The following FAT2 variants were observed in gnomAD, a reference collection of about 807,000 sequenced individuals.
FAT2 encodes the protein protocadherin Fat 2.
Under a neutral mutation model 295.3 loss-of-function variants are expected in FAT2, and 150 were observed. The observed-to-expected ratio is 0.51, with a 90% confidence interval of 0.44 to 0.58. The LOEUF is 0.58. Among genes scored for constraint, FAT2 ranks in the 20% least tolerant of loss-of-function variants. The probability of loss-of-function intolerance (pLI) is 0.00; values close to 1 mark genes in which losing one functional copy is unlikely to be tolerated. For missense variants in FAT2, 4,868 were observed against 5,442.7 expected, an observed-to-expected ratio of 0.89 and a Z score of 3.32; for synonymous variants, 2,026 against 2,150.3, an observed-to-expected ratio of 0.94 and a Z score of 1.60.
chr5:151,551,919 T>A (rs1434549132), intron 6 of FAT2, among the ~76,000 whole-genome samples: 1 of 152,130 alleles, frequency 6.6e-6, no homozygotes, highest in East Asian at 1.9e-4. Context: ...TGGAAATATG[T>A]TCATGATATA....
intron 17 of FAT2, 127 bp from the exon 18 acceptor site, chr5:151,526,092 C>T: frequency 2.3e-6 from 2 of 888,190 alleles, no homozygotes; most frequent in Non-Finnish European, 1.8e-6. Flanking sequence ...GGTGCCTGGA[C>T]ATCAAGCTGC....
chr5:151,547,343 A>G (rs756979268), intron 9 of FAT2, among the ~76,000 whole-genome samples: 43 of 152,218 alleles, frequency 2.8e-4, no homozygotes, highest in Admixed American at 1.9e-3. Context: ...TCTTCATTCT[A>G]TCAGGGAGCT....
intron 3 of FAT2, among the ~76,000 whole-genome samples, chr5:151,558,361 A>G (rs1757876550): frequency 6.6e-6 from 1 of 152,180 alleles, no homozygotes; most frequent in South Asian, 2.1e-4. Context: ...CACACCTGTA[A>G]TGCCAGCACT....
In FAT2 at chr5:151,566,734, G is replaced by T; in HGVS notation, c.2198C>A (p.Pro733His). The change falls in exon 2 of 24, where the codon CCC becomes CAC. Residue 733 changes from proline to histidine, a missense_variant. Physicochemically the swap from Pro to His is moderately conservative, Grantham distance 77. This residue lies in a region of FAT2 where 3,297 missense variants were observed against 3,669.4 expected (regional missense o/e 0.90). Transcript: ENST00000261800. Reference sequence around the variant, plus strand: ...GTCAGTGGCTGCTAGGCGGGCCAAGGGGGTGTTGATAGGGACACTCTCAAG... The same window carrying T: ...GTCAGTGGCTGCTAGGCGGGCCAAGTGGGTGTTGATAGGGACACTCTCAAG... The part of the protein sequence containing the change: ...DVLESVPINT[P>H]LARLAATDPD... 6.2e-7 allele frequency: 1 copy of T among 1,614,182 alleles called. No homozygotes were observed.
rs770014066 is a variant in FAT2 at position 151,505,896 on chromosome 5, G to A, written c.12719C>T (p.Pro4240Leu). ...CAGGTTCTGGTTGCTGTAACGGGGT[G>A]GGAGAGGTGCCCGCTTGTTTTCCAT... Reference protein sequence around the residue: ...LEMENKRAPLPPRYSNQNLED... With the variant: ...LEMENKRAPLLPRYSNQNLED... Residue 4240 changes from proline to leucine, a missense_variant, in exon 24 of 24, where the codon CCA (proline) becomes CTA (leucine). By Grantham distance (98) the Pro-to-Leu change is moderately conservative. Around this residue, in one of 5 missense-constraint regions of FAT2, gnomAD observed 492 missense variants for 482.6 expected, o/e 1.02. Transcript: ENST00000261800. 6.3e-7 allele frequency: 1 copy of A among 1,598,284 alleles called. No individual in the cohort carries two copies. Among genetic ancestry groups the A allele is most frequent in the Non-Finnish European group, 8.5e-7 (1 of 1,173,876 alleles).
In FAT2 at chr5:151,504,642, A is replaced by G. The variant is rs982084268; in HGVS notation, c.*923T>C. ...CTTGTGTCTAGGGAAGAAAAATCCC[A>G]TTGAGGAAACTCATCCAGACAGCAA... is the stretch of plus-strand genomic sequence containing the variant. On this transcript the variant is annotated 3_prime_UTR_variant, in exon 24 of 24. Transcript: ENST00000261800. The G allele has an allele frequency of 1.3e-5, 2 of 152,680 alleles. No individual in the cohort carries two copies. The highest frequency in any genetic ancestry group is 2.4e-5 in the African/African-American group (1 of 41,462). The allele number at this position is 152,680 out of a possible 1,614,324, so 9.5% of individuals were successfully genotyped here. A position where few individuals can be genotyped will look rare whatever the true frequency, so the allele number is the denominator to read the frequency against.
chr5:151,519,349 C>T (rs913532867), intron 19 of FAT2, among the ~76,000 whole-genome samples: 1 of 152,132 alleles, frequency 6.6e-6, no homozygotes, highest in Non-Finnish European at 1.5e-5. Context: ...ATCTCAAAAA[C>T]AAAAACAAAA....
At chr5:151,528,463 G>A (rs1476073738) in intron 15 of FAT2, among the ~76,000 whole-genome samples, 4 of 152,164 alleles carry the variant, frequency 2.6e-5, no homozygotes, top group Non-Finnish European at 5.9e-5. Context: ...AGTATGATCA[G>A]CCTTATAAGA....
At chr5:151,506,653 C>T (rs552038830) in intron 23 of FAT2, among the ~76,000 whole-genome samples, 1 of 152,310 alleles carries the variant, frequency 6.6e-6, no homozygotes, top group South Asian at 2.1e-4. Context: ...AGTGAAAATA[C>T]CTATCATAAC....
At chr5:151,532,312 T>G (rs1018619831) in intron 13 of FAT2, among the ~76,000 whole-genome samples, 1 of 152,212 alleles carries the variant, frequency 6.6e-6, no homozygotes, top group African/African-American at 2.4e-5. Context: ...AGAACAGCTC[T>G]GTATCTTGAT....
chr5:151,526,396 A>G (rs2127585402), intron 17 of FAT2, among the ~76,000 whole-genome samples: 1 of 152,386 alleles, frequency 6.6e-6, no homozygotes, highest in Non-Finnish European at 1.5e-5. Context: ...TGCATGCAAT[A>G]TGTATCTGAT....
intron 11 of FAT2, among the ~76,000 whole-genome samples, chr5:151,538,896 G>C (rs1755797242): frequency 6.6e-6 from 1 of 151,648 alleles, no homozygotes; most frequent in African/African-American, 2.4e-5. Flanking sequence ...ATGTTGGCCA[G>C]GCTGGTCTCG....
At chr5:151,534,167 G>A (rs1754981126) in intron 13 of FAT2, among the ~76,000 whole-genome samples, 2 of 152,202 alleles carry the variant, frequency 1.3e-5, no homozygotes, top group South Asian at 4.1e-4. Context: ...GGTCTAAGTG[G>A]AAGGGGAGAA....
In FAT2 at chr5:151,504,748, G is replaced by A. The variant is rs1760714402; in HGVS notation, c.*817C>T. On this transcript the variant is annotated 3_prime_UTR_variant, in exon 24 of 24. Transcript: ENST00000261800. ...GGCCAAAAGTGCCTGGGAAACTTGG[G>A]ATGAAGAACCCAGAGTTCCATGAGG... 6.6e-6 allele frequency: 1 copy of A among 152,662 alleles called. No individual in the cohort carries two copies. Among genetic ancestry groups the A allele is most frequent in the Admixed American group, 6.5e-5 (1 of 15,284 alleles). The allele number at this position is 152,662 out of a possible 1,614,324, so 9.5% of individuals were successfully genotyped here. A position where few individuals can be genotyped will look rare whatever the true frequency, so the allele number is the denominator to read the frequency against.
intron 20 of FAT2, among the ~76,000 whole-genome samples, chr5:151,516,181 T>C (rs1752846006): frequency 6.6e-6 from 1 of 152,214 alleles, no homozygotes; most frequent in African/African-American, 2.4e-5. Context: ...ATTATCTCAA[T>C]GAAAGCTTCC....
rs578077122 is a variant in FAT2, at chr5:151,540,612, C to T, written c.8994G>A (p.Glu2998=). 10 of 1,614,126 alleles carry T rather than the reference C, an allele frequency of 6.2e-6. No individual in the cohort carries two copies. The South Asian group carries it at 9.9e-5, about 16-fold the overall frequency. ...TATCATTGACGTCCAGGACAAAGAT[C>T]TCCACAGTGACCGAAGCCTGGAACT... ...DGKFQASVTV[E]IFVLDVNDNS... is the part of the protein sequence containing the mutation. The change falls in exon 11 of 24, where the codon GAG becomes GAA. Residue 2998 remains glutamate (E), a synonymous_variant. Transcript: ENST00000261800.
rs751860010 is a variant in FAT2 at position 151,544,905 on chromosome 5, G to A, written c.6222C>T (p.Pro2074=). The A allele has an allele frequency of 6.2e-7, 1 of 1,614,114 alleles. No individual in the cohort carries two copies. ...NDNPPKFKHL[P]YYTIIQDGTE... ...TGCCATCTTGGATGATTGTGTAATA[G>A]GGCAGATGCTTAAATTTGGGGGGAT... The change falls in exon 10 of 24, where the codon CCC becomes CCT. Residue 2074 remains proline, a synonymous_variant. Coordinates refer to ENST00000261800, the MANE Select transcript of FAT2 (RefSeq NM_001447.3).
At chr5:151,572,226 T>C (rs140074129) in intron 1 of FAT2, among the ~76,000 whole-genome samples, 26 of 152,328 alleles carry the variant, frequency 1.7e-4, no homozygotes, top group African/African-American at 5.1e-4. Context: ...TATTCACAGA[T>C]GAATTCCCTA....
Position 151,566,087 on chromosome 5 carries a change from C to T in FAT2, c.2845G>A (p.Ala949Thr), listed in dbSNP as rs761199516. ...GCGGGGCCCAGGTCAGGATCAGAGGCATCCAGAAATGTCAAGACAGTCCCG... is the reference window on the plus strand; with the variant it reads ...GCGGGGCCCAGGTCAGGATCAGAGGTATCCAGAAATGTCAAGACAGTCCCG... ...PPGTVLTFLD[A>T]SDPDLGPAGE... The change falls in exon 2 of 24, where the codon GCC becomes ACC. Residue 949 changes from alanine (A) to threonine (T), a missense_variant. Around this residue, in one of 5 missense-constraint regions of FAT2, gnomAD observed 3,297 missense variants for 3,669.4 expected, o/e 0.90. Transcript: ENST00000261800. 6.2e-7 allele frequency: 1 copy of T among 1,614,184 alleles called. No homozygotes were observed. Among genetic ancestry groups the T allele is most frequent in the Non-Finnish European group, 8.5e-7 (1 of 1,180,030 alleles).
Sources: gnomAD v4.1 joint callset for allele counts (sites outside exome capture counted in the v4.1 genomes callset) on GRCh38, gnomAD v4.1.1 for gene constraint, gnomAD v4.1.1 regional missense constraint, MANE v1.5 for transcripts, NCBI Gene and HGNC (gene_info 2026-07-23, HGNC 2026-07-21) for gene names.